SARNP: variants seen among roughly 807,000 people sequenced by gnomAD.
SARNP encodes the protein SAP domain containing ribonucleoprotein.
SARNP carries 5 observed loss-of-function variants against 38.1 expected under a neutral mutation model. That is an observed-to-expected ratio of 0.13 (90% confidence interval 0.07 to 0.28). The LOEUF is 0.28. Ranked by LOEUF, SARNP falls within the 10% of genes least tolerant of loss-of-function variation. The pLI is 1.00. For missense variants in SARNP, 180 were observed against 243.9 expected, an observed-to-expected ratio of 0.74 and a Z score of 1.75; for synonymous variants, 84 against 80.6, an observed-to-expected ratio of 1.04 and a Z score of -0.23.
At chr12:55,812,291 T>C (rs1001868455) in intron 1 of SARNP, among the ~76,000 whole-genome samples, 2 of 152,210 alleles carry the variant, frequency 1.3e-5, no homozygotes, top group Non-Finnish European at 2.9e-5. Context: ...ACCCTTCCCA[T>C]TGTACTCCCT....
intron 1 of SARNP, chr12:55,816,017 C>T (rs1231001846): frequency 6.6e-6 from 1 of 152,192 alleles, no homozygotes; most frequent in East Asian, 1.9e-4. Flanking sequence ...CTAATGTTCT[C>T]TTAGACTGTA....
At chr12:55,806,089 T>A (rs73334301) in intron 1 of SARNP, among the ~76,000 whole-genome samples, 16,153 of 149,286 alleles carry the variant, frequency 0.11, 1,795 homozygotes, top group African/African-American at 0.28. Flanking sequence ...AAAAAAAAAA[T>A]GACTGCAGAG....
intron 4 of SARNP, among the ~76,000 whole-genome samples, chr12:55,799,376 T>A (rs1224808889): frequency 6.6e-6 from 1 of 152,180 alleles, no homozygotes; most frequent in Admixed American, 6.5e-5. Flanking sequence ...AAATTAAAGA[T>A]GTTTAGGATC....
At chr12:55,778,130 A>T (rs1313533087) in intron 9 of SARNP, among the ~76,000 whole-genome samples, 1 of 151,992 alleles carries the variant, frequency 6.6e-6, no homozygotes. Context: ...AGTTTCCCCC[A>T]TTGTTTCCTC....
At chr12:55,774,561 A>AAAAAAAAAAAAAC in intron 9 of SARNP, among the ~76,000 whole-genome samples, 1 of 5,908 alleles carries the variant, frequency 1.7e-4, no homozygotes, top group Non-Finnish European at 3.1e-3. Flanking sequence ...TCTCTACTGA[A>AAAAAAAAAAAAAC]AAAAAAAAAA....
At position 55,771,106 on chromosome 12, in the gene SARNP, TTTTG is replaced by T. The variant is rs138906654; in HGVS notation, c.502-10470_502-10467del. On this transcript the variant is annotated intron_variant, in intron 9 of 10. Transcript: ENST00000336133. ...GCGCATGCCACCACGCCTGGCTGTT[TTTTG>T]TTTGTTTGTTTGTTTGTTTGTATTT... Among the ~76,000 whole-genome samples the T allele has an allele frequency of 3.8e-3, 579 of 152,114 alleles. 4 individuals carry two copies. Among genetic ancestry groups the T allele is most frequent in the Middle Eastern group, 0.014 (4 of 294 alleles).
intron 4 of SARNP, among the ~76,000 whole-genome samples, chr12:55,796,465 C>T (rs1339680589): frequency 2.0e-5 from 3 of 152,174 alleles, no homozygotes; most frequent in Non-Finnish European, 2.9e-5. Context: ...TGCAATGGCA[C>T]GATCTCAGCT....
At chr12:55,758,099 G>A (rs1878568087) in intron 10 of SARNP, among the ~76,000 whole-genome samples, 1 of 152,168 alleles carries the variant, frequency 6.6e-6, no homozygotes, top group Non-Finnish European at 1.5e-5. Flanking sequence ...TGAGTGGTAT[G>A]TGGGTGAGTC....
intron 1 of SARNP, among the ~76,000 whole-genome samples, chr12:55,815,085 CT>C (rs1460994806): frequency 1.3e-5 from 2 of 152,068 alleles, no homozygotes; most frequent in African/African-American, 4.8e-5. Flanking sequence ...CAAGGTCTCC[CT>C]TTGTCACCCA....
intron 4 of SARNP, 27 bp downstream of exon 4, chr12:55,800,535 C>G: frequency 6.8e-7 from 1 of 1,468,624 alleles, no homozygotes; most frequent in East Asian, 2.3e-5. Context: ...CTGCTCTGTA[C>G]TCAGATTATA....
intron 9 of SARNP, among the ~76,000 whole-genome samples, chr12:55,771,390 A>T (rs957491848): frequency 6.6e-6 from 1 of 152,210 alleles, no homozygotes; most frequent in Non-Finnish European, 1.5e-5. Context: ...AAGCATGAGT[A>T]CTTTCACTGG....
At chr12:55,770,227 A>ATTT (rs758062236) in intron 9 of SARNP, among the ~76,000 whole-genome samples, 1 of 142,636 alleles carries the variant, frequency 7.0e-6, no homozygotes, top group Non-Finnish European at 1.5e-5. Flanking sequence ...TATAACTAGA[A>ATTT]TTTTTTTTTT....
At chr12:55,760,335 T>C in intron 10 of SARNP, 1 of 540,620 alleles carries the variant, frequency 1.8e-6, no homozygotes, top group Non-Finnish European at 3.2e-6. Context: ...ACCCCATCTC[T>C]ACTTAAATAA....
chr12:55,807,745 C>T (rs529900415), intron 1 of SARNP, among the ~76,000 whole-genome samples: 3 of 149,142 alleles, frequency 2.0e-5, no homozygotes, highest in East Asian at 4.0e-4. Context: ...ACCCGGGAGG[C>T]GGAGCTTGCA....
chr12:55,780,227 T>G (rs552774853), intron 9 of SARNP, among the ~76,000 whole-genome samples: 11 of 151,812 alleles, frequency 7.2e-5, no homozygotes, highest in South Asian at 2.1e-4. Flanking sequence ...CCAAGGTGGA[T>G]AGATCACAAG....
At chr12:55,789,283 A>G in intron 8 of SARNP, 140 bp from the exon 9 acceptor site, 1 of 592,864 alleles carries the variant, frequency 1.7e-6, no homozygotes, top group Non-Finnish European at 2.9e-6. Flanking sequence ...AAGAAAACTA[A>G]GCAGCAACCA....
intron 9 of SARNP, among the ~76,000 whole-genome samples, chr12:55,769,328 C>T (rs1878938590): frequency 6.6e-6 from 1 of 152,120 alleles, no homozygotes; most frequent in Non-Finnish European, 1.5e-5. Context: ...ACTGGGAATA[C>T]AGAGATCAAT....
At chr12:55,767,586 G>A (rs1251452230) in intron 9 of SARNP, among the ~76,000 whole-genome samples, 2 of 151,878 alleles carry the variant, frequency 1.3e-5, no homozygotes, top group African/African-American at 4.8e-5. Context: ...AGTGGCTCAT[G>A]CCTGTAATCC....
At position 55,817,288 on chromosome 12, in the gene SARNP, A is replaced by G. The variant is rs574302188; in HGVS notation, c.36+378T>C. On this transcript the variant is annotated intron_variant, in intron 1 of 10. Coordinates refer to ENST00000336133, the MANE Select transcript of SARNP (RefSeq NM_033082.4). The stretch of plus-strand genomic sequence containing the variant: ...CAGCTTCGGACGACAGACTGGAAAC[A>G]TCATCCCAGGGAAGAAAAACGGATC... Among the ~76,000 whole-genome samples, 3 of 152,316 alleles carry G rather than the reference A, an allele frequency of 2.0e-5. No individual in the cohort carries two copies. The South Asian group carries it at 6.2e-4, about 32-fold the overall frequency.
Sources: gnomAD v4.1 joint callset for allele counts (sites outside exome capture counted in the v4.1 genomes callset) on GRCh38, gnomAD v4.1.1 for gene constraint, MANE v1.5 for transcripts, NCBI Gene and HGNC (gene_info 2026-07-23, HGNC 2026-07-21) for gene names.